The following NUDCD3 variants were observed in gnomAD, a reference collection of about 807,000 sequenced individuals.
NUDCD3 encodes the protein nudC domain-containing protein 3.
Under a neutral mutation model 39.7 loss-of-function variants are expected in NUDCD3, and 13 were observed. The observed-to-expected ratio is 0.33, with a 90% CI of 0.21 to 0.52. The LOEUF is 0.52. Ranked by LOEUF, NUDCD3 falls within the 20% of genes least tolerant of loss-of-function variation. The pLI, the probability that NUDCD3 is intolerant of heterozygous loss-of-function variation, is 0.96. For synonymous variants in NUDCD3, 175 were observed against 172.4 expected (o/e 1.02, Z -0.12); for missense variants, 453 against 458.1 (o/e 0.99, Z 0.10).
chr7:44,396,392 T>C (rs1293611058), intron 4 of NUDCD3, among the ~76,000 whole-genome samples: 1 of 152,168 alleles, frequency 6.6e-6, no homozygotes, highest in Non-Finnish European at 1.5e-5. Context: ...CCTTAGAATA[T>C]CTTCTATTTT....
intron 2 of NUDCD3, among the ~76,000 whole-genome samples, chr7:44,434,968 T>C (rs941015125): frequency 1.3e-5 from 2 of 152,224 alleles, no homozygotes; most frequent in African/African-American, 4.8e-5. Flanking sequence ...CTGCTTTCCC[T>C]TTAGAAAGTC....
chr7:44,403,390 G>A (rs1445091506), intron 4 of NUDCD3, among the ~76,000 whole-genome samples: 1 of 152,218 alleles, frequency 6.6e-6, no homozygotes, highest in African/African-American at 2.4e-5. Flanking sequence ...TTGAGGCCAC[G>A]GCAGCACCAA....
At chr7:44,426,851 G>T (rs1270919898) in intron 3 of NUDCD3, among the ~76,000 whole-genome samples, 1 of 152,040 alleles carries the variant, frequency 6.6e-6, no homozygotes. Flanking sequence ...CTGGGATGAG[G>T]TGGGCCTGTC....
chr7:44,453,912 G>A (rs545147622), intron 2 of NUDCD3, among the ~76,000 whole-genome samples: 5 of 152,252 alleles, frequency 3.3e-5, no homozygotes, highest in African/African-American at 1.2e-4. Context: ...GGGTGGTGGT[G>A]CATGTCTGTG....
At chr7:44,431,161 A>G (rs1563174675) in intron 2 of NUDCD3, among the ~76,000 whole-genome samples, 1 of 152,270 alleles carries the variant, frequency 6.6e-6, no homozygotes, top group East Asian at 1.9e-4. Flanking sequence ...TCTGGCCCCC[A>G]CTGTGCCACT....
intron 3 of NUDCD3, among the ~76,000 whole-genome samples, chr7:44,409,484 T>C (rs1326054233): frequency 6.6e-6 from 1 of 151,766 alleles, no homozygotes; most frequent in Non-Finnish European, 1.5e-5. Flanking sequence ...CACGTACCAA[T>C]AGCAACCATG....
chr7:44,408,736 G>C (rs964347523), intron 3 of NUDCD3, among the ~76,000 whole-genome samples: 1 of 152,186 alleles, frequency 6.6e-6, no homozygotes, highest in African/African-American at 2.4e-5. Context: ...ATCTCAGTAA[G>C]AACAGTGAGC....
At chr7:44,393,017 G>A (rs954989353) in intron 4 of NUDCD3, among the ~76,000 whole-genome samples, 2 of 152,128 alleles carry the variant, frequency 1.3e-5, no homozygotes, top group East Asian at 1.9e-4. Flanking sequence ...TGGGACCTAT[G>A]AGACTTAGGG....
At chr7:44,399,716 C>G (rs1010412878) in intron 4 of NUDCD3, among the ~76,000 whole-genome samples, 30 of 152,234 alleles carry the variant, frequency 2.0e-4, no homozygotes, top group African/African-American at 7.2e-4. Context: ...AACTCATCCA[C>G]CAGGGAGAAC....
chr7:44,424,963 T>TA (rs1563172560), intron 3 of NUDCD3, among the ~76,000 whole-genome samples: 1 of 152,040 alleles, frequency 6.6e-6, no homozygotes, highest in Non-Finnish European at 1.5e-5. Flanking sequence ...TATGCAGCCA[T>TA]AAAAAAGAAT....
At chr7:44,439,402 C>T (rs1014505703) in intron 2 of NUDCD3, among the ~76,000 whole-genome samples, 6 of 152,114 alleles carry the variant, frequency 3.9e-5, no homozygotes, top group Non-Finnish European at 5.9e-5. Flanking sequence ...CTGGCTTGGT[C>T]TGCTGACAGG....
intron 3 of NUDCD3, 36 bp downstream of exon 3, chr7:44,427,535 G>A (rs748590425): frequency 6.3e-7 from 1 of 1,597,388 alleles, no homozygotes; most frequent in Admixed American, 1.7e-5. Flanking sequence ...ACTGGCTTGG[G>A]TGAAGCCGCC....
intron 2 of NUDCD3, among the ~76,000 whole-genome samples, chr7:44,429,678 C>G (rs1044115702): frequency 6.6e-6 from 1 of 152,178 alleles, no homozygotes; most frequent in Non-Finnish European, 1.5e-5. Flanking sequence ...TGAATATTGG[C>G]AGGACTAGGC....
intron 3 of NUDCD3, among the ~76,000 whole-genome samples, chr7:44,414,034 CA>C (rs933624365): frequency 1.8e-3 from 222 of 122,846 alleles, no homozygotes; most frequent in Non-Finnish European, 1.6e-3. Flanking sequence ...AACCCTGTCT[CA>C]AAAAAAAAAA....
Position 44,382,211 on chromosome 7 carries a change from G to A in NUDCD3, c.*3800C>T, listed in dbSNP as rs1471470627. The A allele has an allele frequency of 6.6e-6, 1 of 152,132 alleles. No individual in the cohort carries two copies. Among genetic ancestry groups the A allele is most frequent in the Non-Finnish European group, 1.5e-5 (1 of 68,034 alleles). 9.4% of individuals were successfully genotyped at this position (152,132 alleles called of 1,614,324 possible). On this transcript the variant is annotated 3_prime_UTR_variant, in exon 6 of 6. Coordinates refer to ENST00000355451, the MANE Select transcript of NUDCD3 (RefSeq NM_015332.4). ...AAAAAATAAAACCGAGTGGGAGGAAGGTGAGGACTGAAAAACTACATATCA... is the reference window on the plus strand; with the variant it reads ...AAAAAATAAAACCGAGTGGGAGGAAAGTGAGGACTGAAAAACTACATATCA...
At chr7:44,437,531 G>C (rs1174632630) in intron 2 of NUDCD3, among the ~76,000 whole-genome samples, 1 of 150,962 alleles carries the variant, frequency 6.6e-6, no homozygotes, top group Non-Finnish European at 1.5e-5. Flanking sequence ...GGAACACAGA[G>C]GAGAGAGACC....
chr7:44,409,902 C>A (rs10241121), intron 3 of NUDCD3, among the ~76,000 whole-genome samples: 119,976 of 152,000 alleles, frequency 0.79, 48,184 homozygotes, highest in East Asian at 0.94. Context: ...AAAAGATAAG[C>A]GTTCATGAAA....
intron 2 of NUDCD3, among the ~76,000 whole-genome samples, chr7:44,436,574 C>A (rs1298666749): frequency 6.6e-6 from 1 of 152,156 alleles, no homozygotes; most frequent in African/African-American, 2.4e-5. Flanking sequence ...ACTACAGGAT[C>A]CATGCTTTGT....
chr7:44,484,853 A>G (rs1800570788), intron 2 of NUDCD3, 115 bp downstream of exon 2: 2 of 812,520 alleles, frequency 2.5e-6, no homozygotes. Context: ...ATGAAGAGCT[A>G]AATAAATACT....
Sources: gnomAD v4.1 joint callset for allele counts (sites outside exome capture counted in the v4.1 genomes callset) on GRCh38, gnomAD v4.1.1 for gene constraint, MANE v1.5 for transcripts, NCBI Gene and HGNC (gene_info 2026-07-23, HGNC 2026-07-21) for gene names.